The following LRFN5 variants were observed in gnomAD, a reference collection of about 807,000 sequenced individuals.
LRFN5 encodes the protein leucine-rich repeat and fibronectin type-III domain-containing protein 5.
A neutral mutation model predicts 45.6 loss-of-function variants in LRFN5; 24 were observed. The ratio of observed to expected loss-of-function variants is 0.53; its 90% CI spans 0.38 to 0.74. The LOEUF is 0.74. Ranked by LOEUF, LRFN5 falls within the 30% of genes least tolerant of loss-of-function variation. The pLI, the probability that LRFN5 is intolerant of heterozygous loss-of-function variation, is 0.00. For missense variants in LRFN5, 776 were observed against 861.5 expected (o/e 0.90, Z 1.24); for synonymous variants, 340 against 313.8 (o/e 1.08, Z -0.88).
At chr14:41,756,018 C>T (rs1885361538) in intron 1 of LRFN5, among the ~76,000 whole-genome samples, 1 of 152,248 alleles carries the variant, frequency 6.6e-6, no homozygotes, top group South Asian at 2.1e-4. Context: ...TTCTCCTTCA[C>T]TTATGAAGCT....
chr14:41,760,450 TAAAC>T (rs1885613047), intron 1 of LRFN5, among the ~76,000 whole-genome samples: 3 of 152,298 alleles, frequency 2.0e-5, no homozygotes, highest in South Asian at 2.1e-4. Context: ...TGAATATTAA[TAAAC>T]AAACAGAACT....
chr14:41,681,113 C>T (rs1206616526), intron 1 of LRFN5, among the ~76,000 whole-genome samples: 1 of 151,956 alleles, frequency 6.6e-6, no homozygotes, highest in East Asian at 1.9e-4. Flanking sequence ...TGAAGCACAC[C>T]TATTAGAAAA....
intron 2 of LRFN5, among the ~76,000 whole-genome samples, chr14:41,838,344 G>T (rs921255669): frequency 6.6e-6 from 1 of 152,132 alleles, no homozygotes; most frequent in Non-Finnish European, 1.5e-5. Context: ...CAAGGGAGAT[G>T]CTAATGAAGT....
chr14:41,830,210 G>A lies in LRFN5; in HGVS notation c.-20-56396G>A, dbSNP rs60949495. ...TATCTGTCTTTTTTCAATTGTAGTAGTGTTATGTAGCCCATACAACTTTTC... is the reference window on the plus strand; with the variant it reads ...TATCTGTCTTTTTTCAATTGTAGTAATGTTATGTAGCCCATACAACTTTTC... On this transcript the variant is annotated intron_variant, in intron 2 of 5. Coordinates refer to ENST00000298119, the MANE Select transcript of LRFN5 (RefSeq NM_152447.5). Among the ~76,000 whole-genome samples the A allele has an allele frequency of 4.7e-3, 720 of 151,610 alleles. 10 individuals are homozygous for A. Among genetic ancestry groups the A allele is most frequent in the African/African-American group, 0.017 (693 of 41,446 alleles).
intron 2 of LRFN5, among the ~76,000 whole-genome samples, chr14:41,784,849 G>A (rs1206107779): frequency 6.6e-6 from 1 of 152,016 alleles, no homozygotes; most frequent in African/African-American, 2.4e-5. Context: ...GGCTGGTCTC[G>A]AACTCCTGAT....
chr14:41,856,271 C>G (rs1323450179), intron 2 of LRFN5, among the ~76,000 whole-genome samples: 1 of 152,176 alleles, frequency 6.6e-6, no homozygotes, highest in East Asian at 1.9e-4. Flanking sequence ...AATTTAGATA[C>G]TAAATGTGTG....
chr14:41,736,445 A>G (rs1272799721), intron 1 of LRFN5, among the ~76,000 whole-genome samples: 1 of 151,542 alleles, frequency 6.6e-6, no homozygotes, highest in Non-Finnish European at 1.5e-5. Context: ...CCACTTTTTG[A>G]TTTTTTTTCT....
At chr14:41,855,638 C>T (rs1889425705) in intron 2 of LRFN5, among the ~76,000 whole-genome samples, 1 of 152,074 alleles carries the variant, frequency 6.6e-6, no homozygotes, top group Non-Finnish European at 1.5e-5. Flanking sequence ...AATATAACGA[C>T]AAAAGTGTTC....
chr14:41,725,893 A>C (rs907659925), intron 1 of LRFN5, among the ~76,000 whole-genome samples: 1 of 152,134 alleles, frequency 6.6e-6, no homozygotes, highest in African/African-American at 2.4e-5. Context: ...CTCTTATACT[A>C]AGGTAAAAAA....
chr14:41,857,577 T>C (rs1889514056), intron 2 of LRFN5, among the ~76,000 whole-genome samples: 1 of 152,226 alleles, frequency 6.6e-6, no homozygotes, highest in South Asian at 2.1e-4. Context: ...CATCGTTTTA[T>C]GTATTTGTTC....
chr14:41,888,256 G>A (rs978979059), intron 3 of LRFN5, among the ~76,000 whole-genome samples: 4 of 151,930 alleles, frequency 2.6e-5, no homozygotes, highest in Non-Finnish European at 5.9e-5. Context: ...TCATCTAAGA[G>A]ATGTGACTAT....
At chr14:41,633,043 A>G (rs187037551) in intron 1 of LRFN5, among the ~76,000 whole-genome samples, 1 of 152,136 alleles carries the variant, frequency 6.6e-6, no homozygotes, top group Non-Finnish European at 1.5e-5. Flanking sequence ...TTTAGACCCT[A>G]TGAACCTCAG....
chr14:41,694,177 T>C (rs1046299113), intron 1 of LRFN5, among the ~76,000 whole-genome samples: 3 of 150,956 alleles, frequency 2.0e-5, no homozygotes, highest in Non-Finnish European at 4.4e-5. Flanking sequence ...ATTTACTTGA[T>C]TTTTTTTGTG....
intron 2 of LRFN5, among the ~76,000 whole-genome samples, chr14:41,772,419 C>T (rs1886123195): frequency 6.6e-6 from 1 of 152,078 alleles, no homozygotes; most frequent in South Asian, 2.1e-4. Flanking sequence ...CATACAGATA[C>T]AAAATAAAGT....
chr14:41,632,868 AT>A (rs1888597648), intron 1 of LRFN5, among the ~76,000 whole-genome samples: 1 of 152,168 alleles, frequency 6.6e-6, no homozygotes, highest in Admixed American at 6.5e-5. Context: ...AAATTCTTAT[AT>A]TTTGGTGAAT....
intron 1 of LRFN5, among the ~76,000 whole-genome samples, chr14:41,624,202 T>C (rs570859683): frequency 6.6e-6 from 1 of 152,214 alleles, no homozygotes; most frequent in East Asian, 1.9e-4. Context: ...TACTTTGAAA[T>C]ATTTAATATT....
intron 2 of LRFN5, among the ~76,000 whole-genome samples, chr14:41,868,052 G>T (rs1356050084): frequency 3.3e-5 from 5 of 151,766 alleles, no homozygotes; most frequent in Non-Finnish European, 7.4e-5. Flanking sequence ...GTATGTTTTT[G>T]TTTTTGTACT....
intron 2 of LRFN5, among the ~76,000 whole-genome samples, chr14:41,831,849 ACAATTCT>A (rs1161627459): frequency 6.6e-6 from 1 of 152,120 alleles, no homozygotes. Context: ...TTTATATATT[ACAATTCT>A]GGAGGCTAGG....
rs139457631 is a variant in LRFN5 at position 41,717,436 on chromosome 14, G to A, written c.-196-49418G>A. Among the ~76,000 whole-genome samples the A allele has an allele frequency of 9.3e-4, 142 of 152,220 alleles. 1 individual carries two copies. In the East Asian group the frequency reaches 0.01, roughly 11 times the overall value. The stretch of plus-strand genomic sequence containing the variant: ...TTGCTAGATGTAAACACCAAAACAC[G>A]TAGTTTTAAATTGCCACCTACATGG... On this transcript the variant is annotated intron_variant, in intron 1 of 5. Transcript: ENST00000298119.
Sources: allele counts gnomAD v4.1 joint callset (sites outside exome capture counted in the v4.1 genomes callset), GRCh38; gene constraint gnomAD v4.1.1; transcripts MANE v1.5; gene names NCBI Gene and HGNC (gene_info 2026-07-23, HGNC 2026-07-21).